Variants in CHD1L observed in about 807,000 individuals in gnomAD.
CHD1L encodes the protein chromodomain helicase DNA binding protein 1 like.
In CHD1L, 118 loss-of-function variants were observed where a neutral mutation model predicts 115.9. The observed-to-expected ratio is 1.02, with a 90% CI of 0.88 to 1.19. CHD1L has a LOEUF of 1.19. Among genes scored for constraint, CHD1L ranks in the 50% most tolerant of loss-of-function variants. The pLI, the probability that CHD1L is intolerant of heterozygous loss-of-function variation, is 0.00. For missense variants in CHD1L, 1,179 were observed against 1,065.3 expected, an observed-to-expected ratio of 1.11 and a Z score of -1.49; for synonymous variants, 411 against 387.1, an observed-to-expected ratio of 1.06 and a Z score of -0.72.
chr1:147,204,227 T>A, the CHD1L span: 553 of 1,370,636 alleles, frequency 4.0e-4, 1 homozygote, highest in Admixed American at 1.0e-3. Flanking sequence ...TATTTTTGCA[T>A]CTTTGACAGA....
chr1:147,215,666 T>G, the CHD1L span: 1 of 964,092 alleles, frequency 1.0e-6, no homozygotes, highest in Non-Finnish European at 1.6e-6. Flanking sequence ...AAGCCAATCT[T>G]TAGAAGTAAA....
At chr1:147,179,160 G>T in the CHD1L span, 1 of 1,614,092 alleles carries the variant, frequency 6.2e-7, no homozygotes, top group Non-Finnish European at 8.5e-7. Flanking sequence ...GGAATGCTCT[G>T]GAGAGGTTCC....
At position 147,293,687 on chromosome 1, in the gene CHD1L, T is replaced by C. The variant is rs1419532152; in HGVS notation, c.2471T>C (p.Leu824Pro). ...GIKMAALEEG[L>P]KKIFLAAKKK... is the part of the protein sequence containing the mutation. ...AAGATGGCAGCCCTAGAAGAGGGCC[T>C]GAAGAAGATATTTTTAGCAGCAAAA... Residue 824 changes from leucine (L) to proline (P), a missense_variant, in exon 21 of 23, where the codon CTG (leucine) becomes CCG (proline). Transcript: ENST00000369258. 1.9e-6 allele frequency: 3 copies of C among 1,613,882 alleles called. No individual in the cohort carries two copies. The highest frequency in any genetic ancestry group is 2.5e-6 in the Non-Finnish European group (3 of 1,179,914).
chr1:147,272,330 G>C (rs782589819), intron 12 of CHD1L, 49 bp downstream of exon 12: 22 of 1,248,248 alleles, frequency 1.8e-5, no homozygotes, highest in Non-Finnish European at 2.5e-5. Context: ...GGATAATAGA[G>C]TACTATTACA....
chr1:147,259,073 C>A (rs1272337354), intron 5 of CHD1L: 3 of 152,010 alleles, frequency 2.0e-5, no homozygotes, highest in Admixed American at 1.3e-4. Flanking sequence ...CCATTTTTTG[C>A]TGTTTTAAAT....
the CHD1L span, chr1:147,204,815 C>A: frequency 6.2e-7 from 1 of 1,603,764 alleles, no homozygotes; most frequent in African/African-American, 1.3e-5. Flanking sequence ...GTGGTTTGGG[C>A]AAGCTCCTTG....
upstream of CHD1L, among the ~76,000 whole-genome samples, chr1:147,242,050 T>C (rs1290513354): frequency 6.6e-6 from 1 of 152,198 alleles, no homozygotes; most frequent in African/African-American, 2.4e-5. Context: ...TACTACATCA[T>C]AAATCCACTC....
At chr1:147,249,870 C>A (rs1180346698) in intron 1 of CHD1L, among the ~76,000 whole-genome samples, 1 of 152,066 alleles carries the variant, frequency 6.6e-6, no homozygotes, top group Admixed American at 6.5e-5. Context: ...TTGTGGTAGT[C>A]CTGAAGGTCC....
chr1:147,273,663 A>G (rs1333506516), intron 12 of CHD1L, among the ~76,000 whole-genome samples: 1 of 152,324 alleles, frequency 6.6e-6, no homozygotes, highest in African/African-American at 2.4e-5. Flanking sequence ...TCATCCTCAT[A>G]TTCAGAGAGC....
the CHD1L span, chr1:147,173,289 T>G: frequency 6.5e-6 from 1 of 153,834 alleles, no homozygotes; most frequent in African/African-American, 2.4e-5. Context: ...GACTCAGCGA[T>G]ACTCCGTCCC....
At chr1:147,196,029 A>G in the CHD1L span, among the ~76,000 whole-genome samples, 1 of 152,158 alleles carries the variant, frequency 6.6e-6, no homozygotes, top group Admixed American at 6.5e-5. Flanking sequence ...TTTAATGTTA[A>G]TACATGACAG....
chr1:147,283,487 C>G (rs918416239), intron 15 of CHD1L, among the ~76,000 whole-genome samples: 1 of 152,160 alleles, frequency 6.6e-6, no homozygotes, highest in Admixed American at 6.5e-5. Flanking sequence ...TCACTTGATT[C>G]ATGATCTTGG....
intron 11 of CHD1L, 76 bp downstream of exon 11, chr1:147,271,081 A>G (rs1676027461): frequency 4.2e-6 from 5 of 1,201,092 alleles, no homozygotes; most frequent in African/African-American, 3.0e-5. Context: ...GAAGAATAAT[A>G]TGGGATATGA....
chr1:147,199,798 G>A, the CHD1L span, among the ~76,000 whole-genome samples: 727 of 152,278 alleles, frequency 4.8e-3, 3 homozygotes, highest in Non-Finnish European at 6.9e-3. Context: ...GGGAAATTTA[G>A]AAAGGTTGTT....
At chr1:147,175,443 G>C in the CHD1L span, 1 of 152,124 alleles carries the variant, frequency 6.6e-6, no homozygotes, top group Non-Finnish European at 1.5e-5. Flanking sequence ...TAACCTTCAC[G>C]TGTCAAGGGA....
rs79833764 is a variant in CHD1L at position 147,279,004 on chromosome 1, G to C, written c.1540-1022G>C. Among the ~76,000 whole-genome samples the C allele has an allele frequency of 9.5e-3, 1,453 of 152,222 alleles. 24 individuals are homozygous for C. The highest frequency in any genetic ancestry group is 0.033 in the African/African-American group (1,380 of 41,512). On this transcript the variant is annotated intron_variant, in intron 14 of 22. Coordinates refer to ENST00000369258, the MANE Select transcript of CHD1L (RefSeq NM_004284.6). Reference sequence around the variant, plus strand: ...ATAAGTACAAGGGGGTGAAAGGGAGGGTCCCAGTATGGACCAATTCTTATC... The same window carrying C: ...ATAAGTACAAGGGGGTGAAAGGGAGCGTCCCAGTATGGACCAATTCTTATC...
intron 20 of CHD1L, among the ~76,000 whole-genome samples, chr1:147,292,376 T>C (rs10900334): frequency 0.041 from 6,171 of 152,294 alleles, 137 homozygotes; most frequent in African/African-American, 0.059. Flanking sequence ...GGGATGCCTG[T>C]AGTGAGTTTG....
At chr1:147,268,658 A>G in intron 9 of CHD1L, 124 bp from the exon 10 acceptor site, 1 of 674,312 alleles carries the variant, frequency 1.5e-6, no homozygotes. Flanking sequence ...GTTAAGCAGG[A>G]CTGAGATCAT....
the CHD1L span, chr1:147,179,081 T>A: frequency 6.2e-7 from 1 of 1,613,918 alleles, no homozygotes; most frequent in Non-Finnish European, 8.5e-7. Context: ...GCTGGAGAGA[T>A]TCCTGTTGTT....
Sources: gnomAD v4.1 joint callset for allele counts (sites outside exome capture counted in the v4.1 genomes callset) on GRCh38, gnomAD v4.1.1 for gene constraint, MANE v1.5 for transcripts, NCBI Gene and HGNC (gene_info 2026-07-23, HGNC 2026-07-21) for gene names.